DUSP13B: variants seen among roughly 807,000 people sequenced by gnomAD.
DUSP13B encodes the protein dual specificity protein phosphatase 13B.
At chr10:75,094,958 A>G in the DUSP13B span, 1 of 1,261,520 alleles carries the variant, frequency 7.9e-7, no homozygotes, top group Middle Eastern at 1.9e-4. Flanking sequence ...ACCCATGGCC[A>G]TCCTCTACAG....
the DUSP13B span, chr10:75,094,683 C>G: frequency 5.0e-6 from 8 of 1,613,718 alleles, no homozygotes; most frequent in East Asian, 1.8e-4. Flanking sequence ...AGATCAGAAC[C>G]GCCCCGTCTC....
chr10:75,107,242 C>T, the DUSP13B span, among the ~76,000 whole-genome samples: 118 of 150,724 alleles, frequency 7.8e-4, 1 homozygote, highest in East Asian at 0.013. Context: ...GGCTGAGACA[C>T]GAAAATTGCT....
At chr10:75,101,667 T>C in the DUSP13B span, among the ~76,000 whole-genome samples, 4 of 152,098 alleles carry the variant, frequency 2.6e-5, no homozygotes, top group African/African-American at 9.7e-5. Flanking sequence ...ACATAGCCAA[T>C]TGATGTGGGA....
the DUSP13B span, among the ~76,000 whole-genome samples, chr10:75,106,280 G>A: frequency 4.0e-5 from 6 of 151,860 alleles, no homozygotes; most frequent in African/African-American, 1.2e-4. Flanking sequence ...GGCCCCTGTC[G>A]CCTCATCTCA....
the DUSP13B span, chr10:75,104,141 G>GT: frequency 7.8e-7 from 1 of 1,280,562 alleles, no homozygotes; most frequent in African/African-American, 1.5e-5. Context: ...GTGAACCAAG[G>GT]CCCAGGCTGG....
At chr10:75,105,675 C>A in the DUSP13B span, 5 of 1,548,940 alleles carry the variant, frequency 3.2e-6, no homozygotes, top group Middle Eastern at 2.3e-4. Flanking sequence ...CCCCTCAGCT[C>A]TGGCCGGCAC....
At chr10:75,108,006 AG>A in the DUSP13B span, 3 of 1,612,762 alleles carry the variant, frequency 1.9e-6, no homozygotes, top group African/African-American at 1.3e-5. Context: ...AGGCGTGTTG[AG>A]GGCACGGTGG....
chr10:75,107,445 T>C, the DUSP13B span, among the ~76,000 whole-genome samples: 2 of 152,228 alleles, frequency 1.3e-5, no homozygotes, highest in Non-Finnish European at 2.9e-5. Context: ...AGAGCTGTTC[T>C]GCTGTTTGGG....
chr10:75,107,732 A>T, the DUSP13B span, among the ~76,000 whole-genome samples: 24 of 152,264 alleles, frequency 1.6e-4, 1 homozygote, highest in African/African-American at 7.2e-5. Flanking sequence ...GGGTGCCACC[A>T]TGCCCGGCTA....
At chr10:75,108,166 T>C in the DUSP13B span, 1 of 1,612,124 alleles carries the variant, frequency 6.2e-7, no homozygotes, top group Non-Finnish European at 8.5e-7. Context: ...AGCACGTGGG[T>C]GATGCCCAGC....
chr10:75,095,319 C>T, the DUSP13B span, among the ~76,000 whole-genome samples: 3 of 152,318 alleles, frequency 2.0e-5, 1 homozygote, highest in African/African-American at 4.8e-5. Flanking sequence ...ACCTTCTGTC[C>T]AGTGCCTGGC....
chr10:75,097,652 A>G, the DUSP13B span: 4 of 1,451,982 alleles, frequency 2.8e-6, no homozygotes, highest in Non-Finnish European at 3.7e-6. Context: ...TCATGCCCCC[A>G]TTCCCGTGTG....
the DUSP13B span, among the ~76,000 whole-genome samples, chr10:75,107,071 C>T: frequency 2.0e-5 from 3 of 152,270 alleles, no homozygotes; most frequent in East Asian, 5.8e-4. Flanking sequence ...TGCGGTGGCT[C>T]ATGCCTATAA....
chr10:75,101,779 C>T, the DUSP13B span: 1 of 939,426 alleles, frequency 1.1e-6, no homozygotes, highest in Non-Finnish European at 1.6e-6. Flanking sequence ...CCACCCCTCC[C>T]CACACAGGCA....
the DUSP13B span, chr10:75,094,792 G>T: frequency 6.2e-7 from 1 of 1,614,182 alleles, no homozygotes; most frequent in Non-Finnish European, 8.5e-7. Context: ...GCCTCTACCA[G>T]CGTCATGTTC....
At chr10:75,101,891 G>C in the DUSP13B span, 5 of 1,367,184 alleles carry the variant, frequency 3.7e-6, no homozygotes, top group Non-Finnish European at 3.9e-6. Flanking sequence ...GGCCCAGGCT[G>C]TGCACTTCTC....
At chr10:75,099,733 G>C in the DUSP13B span, 41 of 287,506 alleles carry the variant, frequency 1.4e-4, no homozygotes, top group East Asian at 2.8e-3. Flanking sequence ...GAAGAGGTGG[G>C]AAGAGAACTT....
At chr10:75,097,861 GT>G in the DUSP13B span, 1 of 1,610,344 alleles carries the variant, frequency 6.2e-7, no homozygotes, top group Non-Finnish European at 8.5e-7. Flanking sequence ...GCCTCCGGAG[GT>G]CCTGCTTCTG....
chr10:75,094,552 C>T, the DUSP13B span: 1 of 1,082,438 alleles, frequency 9.2e-7, no homozygotes, highest in East Asian at 2.6e-5. Flanking sequence ...GCTATCCCTG[C>T]CTCTGCCTCA....
Sources: gnomAD v4.1 joint callset for allele counts (sites outside exome capture counted in the v4.1 genomes callset) on GRCh38, gnomAD v4.1.1 for gene constraint, MANE v1.5 for transcripts, NCBI Gene and HGNC (gene_info 2026-07-23, HGNC 2026-07-21) for gene names.